DLGAP4: variants seen among roughly 807,000 people sequenced by gnomAD.
The protein encoded by DLGAP4 is DLG associated protein 4.
In DLGAP4, 18 loss-of-function variants were observed where a neutral mutation model predicts 86.9. The observed-to-expected ratio is 0.21, with a 90% CI of 0.14 to 0.31. DLGAP4 has a LOEUF of 0.31. DLGAP4 is among the 10% of genes least tolerant of loss of function. DLGAP4 has a pLI of 1.00. For synonymous variants in DLGAP4, 548 were observed against 574.3 expected, an observed-to-expected ratio of 0.95 and a Z score of 0.65; for missense variants, 1,085 against 1,362.6, an observed-to-expected ratio of 0.80 and a Z score of 3.21.
At chr20:36,494,452 C>A (rs1014667334) in intron 7 of DLGAP4, among the ~76,000 whole-genome samples, 1 of 152,158 alleles carries the variant, frequency 6.6e-6, no homozygotes, top group African/African-American at 2.4e-5. Flanking sequence ...ATTGTAGATT[C>A]ACATGCAGTT....
intron 7 of DLGAP4, among the ~76,000 whole-genome samples, chr20:36,459,066 C>CCG (rs2147608122): frequency 6.6e-6 from 1 of 152,264 alleles, no homozygotes; most frequent in South Asian, 2.1e-4. Context: ...CTTCACCCCC[C>CCG]GGATGGGGAG....
At chr20:36,513,068 C>T (rs1212815088) in intron 10 of DLGAP4, among the ~76,000 whole-genome samples, 1 of 149,022 alleles carries the variant, frequency 6.7e-6, no homozygotes, top group Non-Finnish European at 1.5e-5. Context: ...CCTCCCACCT[C>T]AGCCTCCCAA....
chr20:36,527,358 T>A lies in DLGAP4; in HGVS notation c.*327T>A, dbSNP rs2037834861. 4.6e-6 allele frequency: 1 copy of A among 215,880 alleles called. No homozygotes were observed. Among genetic ancestry groups the A allele is most frequent in the Non-Finnish European group, 9.3e-6 (1 of 107,252 alleles). The allele number at this position is 215,880 out of a possible 1,614,324, so 13.4% of individuals were successfully genotyped here. ...TCCATACTGCGGTCTTTTTACTCGT[T>A]CTATCTGATGAGAACTCACACTAGC... On this transcript the variant is annotated 3_prime_UTR_variant, in exon 13 of 13. Coordinates refer to ENST00000339266, the MANE Select transcript of DLGAP4 (RefSeq NM_001365621.2).
intron 1 of DLGAP4, among the ~76,000 whole-genome samples, chr20:36,317,295 ATCTTT>A (rs1223490375): frequency 4.3e-5 from 1 of 23,502 alleles, no homozygotes; most frequent in African/African-American, 1.8e-4. Context: ...TTTCTTTCTT[ATCTTT>A]CTTTCTTCCT....
chr20:36,517,072 G>C (rs1333584985), intron 10 of DLGAP4, among the ~76,000 whole-genome samples: 1 of 150,108 alleles, frequency 6.7e-6, no homozygotes, highest in Non-Finnish European at 1.5e-5. Flanking sequence ...GGCCGAACCT[G>C]TGTCTTAAAA....
rs1486398072 is a variant in DLGAP4 at position 36,526,869 on chromosome 20, A to C, written c.2817A>C (p.Ala939=). ...VPKKPAKSKP[A]VSRDKASDAS... ...AGAAGCCAGCCAAATCCAAGCCGGC[A>C]GTGAGCCGCGACAAGGCCTCAGACG... is the stretch of plus-strand genomic sequence containing the variant. The change falls in exon 13 of 13, where the codon GCA becomes GCC. Residue 939 remains alanine, a synonymous_variant. Transcript: ENST00000339266. 6.2e-7 allele frequency: 1 copy of C among 1,612,820 alleles called. No individual in the cohort carries two copies. Among genetic ancestry groups the C allele is most frequent in the South Asian group, 1.1e-5 (1 of 90,854 alleles).
chr20:36,351,013 C>T (rs2030131857), intron 1 of DLGAP4, among the ~76,000 whole-genome samples: 1 of 152,272 alleles, frequency 6.6e-6, no homozygotes, highest in Non-Finnish European at 1.5e-5. Context: ...AATCTCAACT[C>T]CAGCGTGTGC....
intron 10 of DLGAP4, 32 bp from the exon 11 acceptor site, chr20:36,524,218 A>G (rs2037562929): frequency 1.3e-6 from 2 of 1,580,492 alleles, no homozygotes; most frequent in African/African-American, 1.3e-5. Flanking sequence ...GTGCTGTGCT[A>G]AATCAGTCTT....
At chr20:36,376,513 G>C (rs954363405) in intron 2 of DLGAP4, among the ~76,000 whole-genome samples, 3 of 152,024 alleles carry the variant, frequency 2.0e-5, no homozygotes, top group Non-Finnish European at 4.4e-5. Context: ...TCAAGATCCT[G>C]GGCTGGTCTT....
At chr20:36,373,334 A>T (rs1174230794) in intron 2 of DLGAP4, among the ~76,000 whole-genome samples, 3 of 152,242 alleles carry the variant, frequency 2.0e-5, no homozygotes, top group Non-Finnish European at 4.4e-5. Context: ...CCATGTTCTC[A>T]TTAAGCTCTC....
At chr20:36,330,645 T>C (rs1298189226) in intron 1 of DLGAP4, among the ~76,000 whole-genome samples, 2 of 150,998 alleles carry the variant, frequency 1.3e-5, no homozygotes, top group African/African-American at 4.9e-5. Context: ...TGATCTCGGC[T>C]CACTGCAACC....
intron 1 of DLGAP4, among the ~76,000 whole-genome samples, chr20:36,336,144 C>T (rs1178662167): frequency 1.3e-5 from 2 of 152,206 alleles, no homozygotes; most frequent in African/African-American, 4.8e-5. Context: ...CGAACTTCCT[C>T]CATTTCCATC....
chr20:36,398,440 G>C (rs1470937895), intron 2 of DLGAP4, among the ~76,000 whole-genome samples: 1 of 152,208 alleles, frequency 6.6e-6, no homozygotes. Context: ...AATTTGCTAG[G>C]AATCAGGGTG....
At chr20:36,478,537 A>G (rs900207777) in intron 7 of DLGAP4, among the ~76,000 whole-genome samples, 1 of 152,216 alleles carries the variant, frequency 6.6e-6, no homozygotes, top group Non-Finnish European at 1.5e-5. Context: ...TGTTTTCTCC[A>G]GATGTTTCTT....
chr20:36,428,178 G>C (rs1050976829), intron 2 of DLGAP4, among the ~76,000 whole-genome samples: 1 of 152,190 alleles, frequency 6.6e-6, no homozygotes, highest in Non-Finnish European at 1.5e-5. Flanking sequence ...CACCTTGCAA[G>C]AGGAGGGTTG....
At chr20:36,382,238 GAGAT>G (rs2031420039) in intron 2 of DLGAP4, among the ~76,000 whole-genome samples, 1 of 152,072 alleles carries the variant, frequency 6.6e-6, no homozygotes, top group African/African-American at 2.4e-5. Flanking sequence ...TTCTTTTTCT[GAGAT>G]AGAGTCTTGC....
At chr20:36,380,075 C>T (rs2031315792) in intron 2 of DLGAP4, among the ~76,000 whole-genome samples, 1 of 151,736 alleles carries the variant, frequency 6.6e-6, no homozygotes, top group Admixed American at 6.6e-5. Context: ...TTCACCTGCT[C>T]AGGGGACTGT....
intron 9 of DLGAP4, 54 bp downstream of exon 9, chr20:36,499,730 C>A: frequency 6.8e-7 from 1 of 1,463,454 alleles, no homozygotes; most frequent in Non-Finnish European, 9.5e-7. Flanking sequence ...CCTCCCTCCG[C>A]TCTCACCTCT....
chr20:36,451,076 A>T (rs907764910), intron 7 of DLGAP4, among the ~76,000 whole-genome samples: 1 of 152,208 alleles, frequency 6.6e-6, no homozygotes, highest in African/African-American at 2.4e-5. Flanking sequence ...TCCTAAAGAA[A>T]GTTAGGGAGC....
Sources: allele counts gnomAD v4.1 joint callset (sites outside exome capture counted in the v4.1 genomes callset), GRCh38; gene constraint gnomAD v4.1.1; transcripts MANE v1.5; gene names NCBI Gene and HGNC (gene_info 2026-07-23, HGNC 2026-07-21).